The following SLC4A5 variants were observed in gnomAD, a reference collection of about 807,000 sequenced individuals.
SLC4A5 encodes the protein solute carrier family 4 member 5.
Under a neutral mutation model 120.4 loss-of-function variants are expected in SLC4A5, and 96 were observed. The ratio of observed to expected loss-of-function variants is 0.80; its 90% CI spans 0.68 to 0.94. The LOEUF is 0.94. Among genes scored for constraint, SLC4A5 ranks in the 40% least tolerant of loss-of-function variants. SLC4A5 has a pLI of 0.00. For missense variants in SLC4A5, 1,259 were observed against 1,459.5 expected (o/e 0.86, Z 2.24); for synonymous variants, 550 against 571.1 (o/e 0.96, Z 0.53).
chr2:74,245,067 T>C (rs533244609), intron 19 of SLC4A5, among the ~76,000 whole-genome samples: 3 of 152,272 alleles, frequency 2.0e-5, no homozygotes, highest in Admixed American at 1.3e-4. Context: ...ACCCCTGAGT[T>C]CCCAGCACTT....
At chr2:74,300,586 G>A (rs1230011167) in intron 7 of SLC4A5, among the ~76,000 whole-genome samples, 1 of 152,120 alleles carries the variant, frequency 6.6e-6, no homozygotes, top group Non-Finnish European at 1.5e-5. Context: ...GGTGTCACCT[G>A]CTCCAGGAAG....
At chr2:74,303,008 G>C (rs1007124184) in intron 7 of SLC4A5, among the ~76,000 whole-genome samples, 15 of 146,746 alleles carry the variant, frequency 1.0e-4, no homozygotes, top group African/African-American at 4.0e-4. Flanking sequence ...TCCCACTCCT[G>C]AGCAGGACTG....
At chr2:74,291,822 C>T (rs1196611327) in intron 7 of SLC4A5, among the ~76,000 whole-genome samples, 2 of 152,212 alleles carry the variant, frequency 1.3e-5, no homozygotes, top group African/African-American at 2.4e-5. Context: ...ACACCAGGCC[C>T]TGCCTGAGGG....
intron 27 of SLC4A5, among the ~76,000 whole-genome samples, chr2:74,225,345 C>T (rs560865384): frequency 1.2e-4 from 18 of 152,234 alleles, no homozygotes; most frequent in African/African-American, 4.3e-4. Context: ...CCTGTAATCC[C>T]AGCACTTTGG....
chr2:74,294,166 A>T (rs1269419282), intron 7 of SLC4A5, among the ~76,000 whole-genome samples: 1 of 152,174 alleles, frequency 6.6e-6, no homozygotes, highest in Non-Finnish European at 1.5e-5. Context: ...GACTCAGTCA[A>T]GGCTAGCTGA....
chr2:74,281,502 C>G (rs143136539), intron 8 of SLC4A5, among the ~76,000 whole-genome samples: 2 of 152,340 alleles, frequency 1.3e-5, no homozygotes, highest in African/African-American at 4.8e-5. Flanking sequence ...AGGTCATTAT[C>G]AGCAAACAGC....
chr2:74,257,413 G>T (rs762543253), intron 12 of SLC4A5, among the ~76,000 whole-genome samples: 3 of 152,018 alleles, frequency 2.0e-5, no homozygotes, highest in East Asian at 3.9e-4. Context: ...GCGTTCTTCA[G>T]GGTGGAGGGC....
chr2:74,305,851 A>G (rs1672627120), intron 6 of SLC4A5, among the ~76,000 whole-genome samples: 1 of 151,114 alleles, frequency 6.6e-6, no homozygotes, highest in East Asian at 1.9e-4. Context: ...CAGCCTCCCA[A>G]GTAGCTGGGA....
At chr2:74,268,775 G>A (rs915522380) in intron 8 of SLC4A5, among the ~76,000 whole-genome samples, 2 of 152,104 alleles carry the variant, frequency 1.3e-5, no homozygotes, top group Non-Finnish European at 2.9e-5. Flanking sequence ...TTTCACCTTT[G>A]TTCATTTGGT....
chr2:74,238,206 A>T (rs947990581), intron 21 of SLC4A5, among the ~76,000 whole-genome samples: 35 of 152,292 alleles, frequency 2.3e-4, no homozygotes, highest in African/African-American at 8.4e-4. Flanking sequence ...AATGTTCAAG[A>T]CTTAAAGATC....
At chr2:74,290,622 T>TGAGAGAGTGA (rs1553457219) in intron 7 of SLC4A5, 2 of 720,892 alleles carry the variant, frequency 2.8e-6, no homozygotes, top group Non-Finnish European at 3.3e-6. Flanking sequence ...GACAGAGAAG[T>TGAGAGAGTGA]GAGAGAGAGA....
chr2:74,246,909 C>T (rs1357925080), intron 19 of SLC4A5, 127 bp downstream of exon 19: 36 of 1,255,696 alleles, frequency 2.9e-5, no homozygotes, highest in Non-Finnish European at 3.9e-5. Flanking sequence ...TGTATTTGCT[C>T]TCTTGGAACT....
At chr2:74,220,579 T>C (rs142016524) in intron 30 of SLC4A5, among the ~76,000 whole-genome samples, 303 of 146,784 alleles carry the variant, frequency 2.1e-3, no homozygotes, top group East Asian at 5.4e-3. Context: ...TGCAGTGGCG[T>C]GATCTCGGCT....
rs1021031008 is a variant in SLC4A5, at chr2:74,252,846, C to T, written c.1268+128G>A. ...CAAGTGATCCACCTGCCTCAGCATC[C>T]CAAAGTGTTGAGATTACAGGCATGA... On this transcript the variant is annotated intron_variant, in intron 15 of 30. Transcript: ENST00000394019. 1.6e-5 allele frequency: 18 copies of T among 1,145,732 alleles called. No homozygotes were observed. In the Admixed American group the frequency reaches 4.0e-4, roughly 26 times the overall value. 71.0% of individuals were successfully genotyped at this position (1,145,732 alleles called of 1,614,324 possible).
rs1294512986 is a variant in SLC4A5 at position 74,258,397 on chromosome 2, G to A, written c.867+1191C>T. 2.6e-5 allele frequency among the ~76,000 whole-genome samples: 4 copies of A among 152,344 alleles called. No individual in the cohort carries two copies. In the East Asian group the frequency reaches 5.8e-4, roughly 22 times the overall value. ...ATCAAGAAAGCACTGTCTGGTGAAA[G>A]GGACAGCTAGTGTTATTATTACCAC... is the stretch of plus-strand genomic sequence containing the variant. On this transcript the variant is annotated intron_variant, in intron 12 of 30. Transcript: ENST00000394019.
intron 7 of SLC4A5, among the ~76,000 whole-genome samples, chr2:74,289,121 T>C (rs1221961804): frequency 6.6e-6 from 1 of 152,200 alleles, no homozygotes; most frequent in East Asian, 1.9e-4. Context: ...CCATTCCCTA[T>C]GTAGCAGTAG....
At chr2:74,295,882 A>G (rs1339823591) in intron 7 of SLC4A5, among the ~76,000 whole-genome samples, 1 of 152,196 alleles carries the variant, frequency 6.6e-6, no homozygotes, top group Non-Finnish European at 1.5e-5. Context: ...AGGGACTTGG[A>G]GCCAGGGCAA....
chr2:74,232,385 C>A, intron 24 of SLC4A5, 84 bp downstream of exon 24: 2 of 1,511,070 alleles, frequency 1.3e-6, no homozygotes, highest in Middle Eastern at 3.6e-4. Flanking sequence ...TTGTCCAAAT[C>A]CTTTTGTGGC....
At chr2:74,303,748 G>A (rs1310923460) in intron 7 of SLC4A5, among the ~76,000 whole-genome samples, 6 of 152,162 alleles carry the variant, frequency 3.9e-5, no homozygotes, top group Non-Finnish European at 8.8e-5. Flanking sequence ...TTCTGTACCA[G>A]GTCTTTCAGC....
Sources: gnomAD v4.1 joint callset for allele counts (sites outside exome capture counted in the v4.1 genomes callset) on GRCh38, gnomAD v4.1.1 for gene constraint, MANE v1.5 for transcripts, NCBI Gene and HGNC (gene_info 2026-07-23, HGNC 2026-07-21) for gene names.